The following ZNF638 variants were observed in gnomAD, a reference collection of about 807,000 sequenced individuals.
The protein encoded by ZNF638 is zinc finger protein 638.
Under a neutral mutation model 195.6 loss-of-function variants are expected in ZNF638, and 46 were observed. The ratio of observed to expected loss-of-function variants is 0.24; its 90% confidence interval spans 0.19 to 0.30. ZNF638 has a LOEUF of 0.30. ZNF638 is among the 10% of genes least tolerant of loss of function. The pLI is 1.00. For synonymous variants in ZNF638, 845 were observed against 772.0 expected (o/e 1.09, Z -1.57); for missense variants, 2,440 against 2,325.3 (o/e 1.05, Z -1.01).
At chr2:71,380,598 AG>A in intron 10 of ZNF638, 33 bp downstream of exon 10, 1 of 1,550,994 alleles carries the variant, frequency 6.4e-7, no homozygotes, top group African/African-American at 1.4e-5. Flanking sequence ...CTTTCAAATG[AG>A]TGTATCTTGT....
intron 1 of ZNF638, among the ~76,000 whole-genome samples, chr2:71,344,628 A>C (rs1231933501): frequency 1.3e-5 from 2 of 152,202 alleles, no homozygotes; most frequent in Admixed American, 6.5e-5. Context: ...GGGAGTACTT[A>C]ACATTTAAAA....
intron 1 of ZNF638, chr2:71,348,289 C>A: frequency 2.5e-6 from 1 of 402,560 alleles, no homozygotes; most frequent in Non-Finnish European, 3.4e-6. Flanking sequence ...AAGGCTGATT[C>A]CAAGGAAGAT....
At position 71,423,927 on chromosome 2, in the gene ZNF638, C is replaced by G. The variant is rs1368529711; in HGVS notation, c.4413C>G (p.Ile1471Met). 10 of 1,613,924 alleles carry G rather than the reference C, an allele frequency of 6.2e-6. No homozygotes were observed. Among genetic ancestry groups the G allele is most frequent in the African/African-American group, 1.3e-5 (1 of 74,926 alleles). The change falls in exon 22 of 28, where the codon ATC becomes ATG. Residue 1471 changes from isoleucine (I) to methionine (M), a missense_variant. Ile to Met is a conservative substitution (Grantham distance 10, BLOSUM62 1). Coordinates refer to ENST00000264447, the MANE Select transcript of ZNF638 (RefSeq NM_014497.5). ...TTACCAGAGGAGGCAGTGGAAGGAT[C>G]TCAGCCCTGCAAGGCAAGCTTTCTA... ...SSLTRGGSGR[I>M]SALQGKLSKL...
chr2:71,348,529 C>T (rs2104169498), intron 1 of ZNF638: 1 of 1,176,088 alleles, frequency 8.5e-7, no homozygotes, highest in South Asian at 1.7e-5. Context: ...ACACAATGTA[C>T]ATGAACTCTG....
rs757953733 is a variant in ZNF638, at chr2:71,426,614, A to G, written c.4745A>G (p.Lys1582Arg). 2 of 1,614,042 alleles carry G rather than the reference A, an allele frequency of 1.2e-6. No homozygotes were observed. The highest frequency in any genetic ancestry group is 2.7e-5 in the African/African-American group (2 of 74,930). Residue 1582 changes from lysine (K) to arginine (R), a missense_variant, in exon 24 of 28, where the codon AAA (lysine) becomes AGA (arginine). Physicochemically the swap from Lys to Arg is conservative, Grantham distance 26. This residue lies in a region of ZNF638 where 1,883 missense variants were observed against 1,739.1 expected (regional missense o/e 1.08). Transcript: ENST00000264447. The stretch of plus-strand genomic sequence containing the variant: ...TTCTCTGAACTTAACTTAAAGAAGA[A>G]AAAGGGGAAAACTTCCACTCCTCGT... ...VPFSELNLKK[K>R]KGKTSTPRGV...
chr2:71,372,248 T>G (rs2079327765), intron 8 of ZNF638, among the ~76,000 whole-genome samples: 1 of 152,140 alleles, frequency 6.6e-6, no homozygotes, highest in African/African-American at 2.4e-5. Context: ...CTAGACTACC[T>G]TTCAGGTTTA....
intron 20 of ZNF638, 126 bp from the exon 21 acceptor site, chr2:71,418,476 G>A (rs2080351708): frequency 1.7e-6 from 1 of 596,792 alleles, no homozygotes; most frequent in African/African-American, 2.0e-5. Flanking sequence ...CTGAAAACTA[G>A]CTGCTTTGAT....
chr2:71,352,390 T>TC (rs1246203400), intron 2 of ZNF638, among the ~76,000 whole-genome samples: 1 of 150,788 alleles, frequency 6.6e-6, no homozygotes, highest in Non-Finnish European at 1.5e-5. Flanking sequence ...AGGCAGAGAA[T>TC]CGCTTGAACC....
chr2:71,410,561 G>T (rs1023475210), intron 20 of ZNF638, among the ~76,000 whole-genome samples: 1 of 151,970 alleles, frequency 6.6e-6, no homozygotes, highest in Non-Finnish European at 1.5e-5. Flanking sequence ...ACTATTTTAG[G>T]TATTAGAATA....
intron 2 of ZNF638, among the ~76,000 whole-genome samples, chr2:71,353,003 A>G (rs2078967344): frequency 6.6e-6 from 1 of 152,314 alleles, no homozygotes; most frequent in Non-Finnish European, 1.5e-5. Flanking sequence ...TAAGTGGCCA[A>G]ATGATAGGGA....
intron 2 of ZNF638, among the ~76,000 whole-genome samples, chr2:71,350,541 C>G (rs796466752): frequency 6.6e-6 from 1 of 152,176 alleles, no homozygotes; most frequent in African/African-American, 2.4e-5. Context: ...ACTTACGCAA[C>G]ATAAAATTTA....
intron 12 of ZNF638, among the ~76,000 whole-genome samples, 159 bp downstream of exon 12, chr2:71,398,931 A>C (rs922672737): frequency 1.9e-4 from 29 of 152,202 alleles, no homozygotes; most frequent in Non-Finnish European, 2.4e-4. Flanking sequence ...TTTGGCAGAT[A>C]GGCAGATATA....
At chr2:71,333,486 GT>G (rs1463894759) in intron 1 of ZNF638, among the ~76,000 whole-genome samples, 4 of 152,152 alleles carry the variant, frequency 2.6e-5, no homozygotes, top group African/African-American at 9.7e-5. Context: ...GTTTTGGAGG[GT>G]GTATACGGCA....
Position 71,377,869 on chromosome 2 carries a change from A to G in ZNF638, c.2266-2353A>G, listed in dbSNP as rs541378391. Among the ~76,000 whole-genome samples, 14 of 152,380 alleles carry G rather than the reference A, an allele frequency of 9.2e-5. No homozygotes were observed. In the South Asian group the frequency reaches 1.9e-3, roughly 20 times the overall value. ...GAAAACAGTTTAACTATACAAAGAA[A>G]TAGTCTAGCCTTAGATTGCAAAGCA... On this transcript the variant is annotated intron_variant, in intron 8 of 27. Coordinates refer to ENST00000264447, the MANE Select transcript of ZNF638 (RefSeq NM_014497.5).
chr2:71,366,509 C>G (rs1344305485), intron 6 of ZNF638, among the ~76,000 whole-genome samples: 2 of 152,034 alleles, frequency 1.3e-5, no homozygotes, highest in Non-Finnish European at 2.9e-5. Context: ...TTCAAAATCT[C>G]GTAGCTTAGG....
chr2:71,399,748 T>C, intron 13 of ZNF638, 103 bp downstream of exon 13: 2 of 869,682 alleles, frequency 2.3e-6, no homozygotes, highest in Non-Finnish European at 3.6e-6. Context: ...GGTAAACGTG[T>C]CATGGGGGTT....
At chr2:71,356,276 TTTC>T (rs921322775) in intron 3 of ZNF638, among the ~76,000 whole-genome samples, 7 of 152,304 alleles carry the variant, frequency 4.6e-5, no homozygotes, top group African/African-American at 1.4e-4. Flanking sequence ...CTTCCCCCTT[TTTC>T]TTCTTAAAGA....
At chr2:71,366,136 G>GCC (rs1198466903) in intron 6 of ZNF638, among the ~76,000 whole-genome samples, 5 of 152,320 alleles carry the variant, frequency 3.3e-5, no homozygotes, top group African/African-American at 1.2e-4. Flanking sequence ...GATCGCTCGA[G>GCC]CTTAAGAATT....
intron 10 of ZNF638, among the ~76,000 whole-genome samples, chr2:71,381,559 AATT>A (rs1051081852): frequency 6.6e-6 from 1 of 152,132 alleles, no homozygotes; most frequent in African/African-American, 2.4e-5. Context: ...AACAAAGTTC[AATT>A]ATTCTATTGA....
Sources: gnomAD v4.1 joint callset for allele counts (sites outside exome capture counted in the v4.1 genomes callset) on GRCh38, gnomAD v4.1.1 for gene constraint, gnomAD v4.1.1 regional missense constraint, MANE v1.5 for transcripts, NCBI Gene and HGNC (gene_info 2026-07-23, HGNC 2026-07-21) for gene names.